Variants in AGPAT3 observed in about 807,000 individuals in gnomAD.
AGPAT3 encodes the protein 1-acylglycerol-3-phosphate O-acyltransferase 3.
In AGPAT3, 5 loss-of-function variants were observed where a neutral mutation model predicts 47.3. That is an observed-to-expected ratio of 0.11 (90% CI 0.06 to 0.22). AGPAT3 has a LOEUF of 0.22. Ranked by LOEUF, AGPAT3 falls within the 10% of genes least tolerant of loss-of-function variation. AGPAT3 has a pLI of 1.00. For synonymous variants in AGPAT3, 212 were observed against 208.3 expected (o/e 1.02, Z -0.15); for missense variants, 315 against 493.0 (o/e 0.64, Z 3.42).
intron 1 of AGPAT3, among the ~76,000 whole-genome samples, chr21:43,876,829 T>C (rs933496475): frequency 1.6e-4 from 24 of 152,014 alleles, no homozygotes; most frequent in African/African-American, 5.6e-4. Context: ...TTCACCAGTT[T>C]TTGTTTTGTT....
At chr21:43,867,519 C>G (rs997532731) in intron 1 of AGPAT3, 4 of 152,330 alleles carry the variant, frequency 2.6e-5, no homozygotes, top group African/African-American at 9.7e-5. Flanking sequence ...ACATTGCAGA[C>G]CCCACGGCAG....
chr21:43,936,676 C>A (rs1025874155), intron 2 of AGPAT3, among the ~76,000 whole-genome samples: 11 of 152,240 alleles, frequency 7.2e-5, no homozygotes, highest in Non-Finnish European at 8.8e-5. Context: ...ACTTCAGATA[C>A]CTTGGCAAAA....
intron 2 of AGPAT3, among the ~76,000 whole-genome samples, chr21:43,912,921 A>AT (rs2086657813): frequency 6.6e-6 from 1 of 152,214 alleles, no homozygotes; most frequent in Non-Finnish European, 1.5e-5. Context: ...TTGCCCAGCG[A>AT]GTGAAATGCT....
intron 2 of AGPAT3, among the ~76,000 whole-genome samples, chr21:43,906,795 G>C (rs1241006524): frequency 6.6e-6 from 1 of 152,244 alleles, no homozygotes; most frequent in Non-Finnish European, 1.5e-5. Flanking sequence ...TACTTGCCCA[G>C]GGGAGCAGCA....
intron 7 of AGPAT3, among the ~76,000 whole-genome samples, chr21:43,973,584 C>T (rs756369346): frequency 9.9e-5 from 15 of 152,242 alleles, no homozygotes; most frequent in African/African-American, 1.4e-4. Context: ...ACTCCTCATC[C>T]GCCATCCTCC....
intron 2 of AGPAT3, among the ~76,000 whole-genome samples, chr21:43,957,766 C>A (rs1470164249): frequency 2.7e-5 from 4 of 150,402 alleles, no homozygotes; most frequent in African/African-American, 9.8e-5. Context: ...ACACGGGGGT[C>A]TCGGGTTTCC....
intron 2 of AGPAT3, 63 bp from the exon 3 acceptor site, chr21:43,959,571 C>A: frequency 6.8e-7 from 1 of 1,477,766 alleles, no homozygotes; most frequent in Non-Finnish European, 9.3e-7. Flanking sequence ...AGCAGTGCCC[C>A]GGTGTTCCTG....
chr21:43,970,679 C>G lies in AGPAT3; in HGVS notation c.537C>G (p.Arg179=). The part of the protein sequence containing the change: ...MWFLLYCEGT[R]FTETKHRVSM... ...TTCTCCTGTACTGCGAGGGGACGCGCTTCACGGAGACCAAGCACCGCGTTA... is the reference window on the plus strand; with the variant it reads ...TTCTCCTGTACTGCGAGGGGACGCGGTTCACGGAGACCAAGCACCGCGTTA... Residue 179 remains arginine, a synonymous_variant, in exon 6 of 10, where the codon CGC becomes CGG. Transcript: ENST00000291572. This position sits in a 1 kb window ranked among gnomAD's most constrained non-coding sequence, Gnocchi z 5.8. 6.2e-7 allele frequency: 1 copy of G among 1,613,924 alleles called. No individual in the cohort carries two copies. The highest frequency in any genetic ancestry group is 8.5e-7 in the Non-Finnish European group (1 of 1,179,896).
rs879614981 is a variant in AGPAT3, at chr21:43,959,023, TGTG to T, written c.-48-607_-48-605del. Among the ~76,000 whole-genome samples, 7 of 141,710 alleles carry T rather than the reference TGTG, an allele frequency of 4.9e-5. No individual in the cohort carries two copies. In the East Asian group the frequency reaches 6.6e-4, roughly 13 times the overall value. The allele number at this position is 141,710 out of a possible 152,430, so 93.0% of individuals were successfully genotyped here. On this transcript the variant is annotated intron_variant, in intron 2 of 9. Transcript: ENST00000291572. ...TGTGTAGCATGTGTGTGGTTTGCAG[TGTG>T]GTGTGTGTGGCATGTGTGTGGTTTG...
rs770270296 is a variant in AGPAT3 at position 43,920,144 on chromosome 21, C to T, written c.-49+16125C>T. On this transcript the variant is annotated intron_variant, in intron 2 of 9. Coordinates refer to ENST00000291572, the MANE Select transcript of AGPAT3 (RefSeq NM_020132.5). The surrounding 1 kb of genome is among the most constrained non-coding windows in gnomAD (Gnocchi z 6.1). Reference sequence around the variant, plus strand: ...TCCGCACCCCTCCCAGAGTGCGAGGCTGTGTCTTTTTAGTCCATTTCTTCC... The same window carrying T: ...TCCGCACCCCTCCCAGAGTGCGAGGTTGTGTCTTTTTAGTCCATTTCTTCC... Among the ~76,000 whole-genome samples, 2 of 152,158 alleles carry T rather than the reference C, an allele frequency of 1.3e-5. No individual in the cohort carries two copies. The highest frequency in any genetic ancestry group is 1.5e-5 in the Non-Finnish European group (1 of 68,036).
chr21:43,894,957 T>A (rs1276097769), intron 1 of AGPAT3, among the ~76,000 whole-genome samples: 1 of 152,202 alleles, frequency 6.6e-6, no homozygotes, highest in Admixed American at 6.5e-5. Context: ...ATTGATCCTT[T>A]CAGAGAACCA....
rs746992911 is a variant in AGPAT3 at position 43,968,011 on chromosome 21, G to A, written c.244G>A (p.Val82Ile). ...TACACTGTTCACGGACCAGGCCACGGTAGAGCGCTTTGGGAAGGAGCACGC... is the reference window on the plus strand; with the variant it reads ...TACACTGTTCACGGACCAGGCCACGATAGAGCGCTTTGGGAAGGAGCACGC... ...ECTLFTDQAT[V>I]ERFGKEHAVI... Residue 82 changes from valine (V) to isoleucine (I), a missense_variant, in exon 4 of 10, where the codon GTA (valine) becomes ATA (isoleucine). By Grantham distance (29) the Val-to-Ile change is conservative. Coordinates refer to ENST00000291572, the MANE Select transcript of AGPAT3 (RefSeq NM_020132.5). The A allele has an allele frequency of 6.2e-7, 1 of 1,614,032 alleles. No homozygotes were observed. Among genetic ancestry groups the A allele is most frequent in the Non-Finnish European group, 8.5e-7 (1 of 1,180,012 alleles).
At chr21:43,940,232 A>G (rs1444311734) in intron 2 of AGPAT3, among the ~76,000 whole-genome samples, 3 of 152,234 alleles carry the variant, frequency 2.0e-5, no homozygotes. Context: ...CAGGCAGCAC[A>G]GGACCGAGGG....
At position 43,922,697 on chromosome 21, in the gene AGPAT3, C is replaced by A. The variant is rs138064970; in HGVS notation, c.-49+18678C>A. Among the ~76,000 whole-genome samples the A allele has an allele frequency of 9.9e-3, 1,503 of 151,958 alleles. 13 individuals carry two copies. Among genetic ancestry groups the A allele is most frequent in the South Asian group, 0.022 (102 of 4,550 alleles). On this transcript the variant is annotated intron_variant, in intron 2 of 9. Coordinates refer to ENST00000291572, the MANE Select transcript of AGPAT3 (RefSeq NM_020132.5). The surrounding 1 kb of genome is among the most constrained non-coding windows in gnomAD (Gnocchi z 4.9). ...TCTGGGCTTCCATGGGGTCTCCCAG[C>A]TCAGGGGCTGTGGCTCAGGAGCCAT... is the stretch of plus-strand genomic sequence containing the variant.
intron 2 of AGPAT3, among the ~76,000 whole-genome samples, chr21:43,949,530 C>T (rs1298771088): frequency 1.3e-5 from 2 of 152,216 alleles, no homozygotes; most frequent in African/African-American, 4.8e-5. Context: ...CCTGTGACAC[C>T]AATCCCACCA....
chr21:43,984,791 C>CT lies in AGPAT3; in HGVS notation c.*2409dup, dbSNP rs528477226. 0.2 allele frequency: 36,346 copies of CT among 183,164 alleles called. 3,617 individuals carry two copies. The highest frequency in any genetic ancestry group is 0.28 in the Admixed American group (4,929 of 17,598). 11.3% of individuals were successfully genotyped at this position (183,164 alleles called of 1,614,324 possible). ...TTAAATTCATAAATCCCAGAACAGTCTTTTTTTTTTCTTTTTCCTTTACAC... is the reference window on the plus strand; with the variant it reads ...TTAAATTCATAAATCCCAGAACAGTCTTTTTTTTTTTCTTTTTCCTTTACAC... On this transcript the variant is annotated 3_prime_UTR_variant, in exon 10 of 10. Transcript: ENST00000291572.
chr21:43,962,297 C>T (rs898912321), intron 3 of AGPAT3, among the ~76,000 whole-genome samples: 7 of 152,228 alleles, frequency 4.6e-5, no homozygotes, highest in African/African-American at 1.7e-4. Flanking sequence ...CCACCGCGCC[C>T]GGCCAGTTTG....
intron 7 of AGPAT3, among the ~76,000 whole-genome samples, chr21:43,973,538 C>T (rs1461284520): frequency 1.3e-5 from 2 of 152,254 alleles, no homozygotes; most frequent in Admixed American, 6.5e-5. Flanking sequence ...TGCACGGCGC[C>T]TCCGCCTCGG....
At chr21:43,873,731 C>G (rs1284325080) in intron 1 of AGPAT3, among the ~76,000 whole-genome samples, 2 of 152,180 alleles carry the variant, frequency 1.3e-5, no homozygotes, top group Non-Finnish European at 2.9e-5. Context: ...ATTTTTAAAT[C>G]TCTACTATAT....
Sources: gnomAD v4.1 joint callset for allele counts (sites outside exome capture counted in the v4.1 genomes callset) on GRCh38, gnomAD v4.1.1 for gene constraint, Gnocchi (gnomAD v3.1) non-coding constraint, MANE v1.5 for transcripts, NCBI Gene and HGNC (gene_info 2026-07-23, HGNC 2026-07-21) for gene names.